Variants in RGS17 observed in about 807,000 individuals in gnomAD.
RGS17 encodes regulator of G protein signaling 17.
RGS17 carries 12 observed loss-of-function variants against 25.5 expected under a neutral mutation model. That is an observed-to-expected ratio of 0.47 (90% CI 0.30 to 0.76). RGS17 has a LOEUF of 0.76. Among genes scored for constraint, RGS17 ranks in the 30% least tolerant of loss-of-function variants. RGS17 has a pLI of 0.07. For missense variants in RGS17, 196 were observed against 242.2 expected, an observed-to-expected ratio of 0.81 and a Z score of 1.27; for synonymous variants, 71 against 76.9, an observed-to-expected ratio of 0.92 and a Z score of 0.40.
At chr6:153,013,505 C>A (rs1779154465) in intron 4 of RGS17, among the ~76,000 whole-genome samples, 1 of 152,130 alleles carries the variant, frequency 6.6e-6, no homozygotes, top group South Asian at 2.1e-4. Flanking sequence ...ATTCACACAT[C>A]TGTCACATTA....
intron 4 of RGS17, among the ~76,000 whole-genome samples, chr6:153,020,116 A>ATATATATATATATATATATATT: frequency 7.3e-5 from 4 of 54,488 alleles, no homozygotes; most frequent in African/African-American, 3.1e-4. Context: ...AAAAAAATAT[A>ATATATATATATATATATATATT]TATATATATA....
rs577714552 is a variant in RGS17 at position 153,050,636 on chromosome 6, G to A, written c.-25-6593C>T. 1.1e-4 allele frequency among the ~76,000 whole-genome samples: 16 copies of A among 152,276 alleles called. No homozygotes were observed. The South Asian group carries it at 2.9e-3, about 28-fold the overall frequency. ...CACACTAATGGTAGGAATATACATT[G>A]AGAAATCACTTTGAAGAACAATATT... On this transcript the variant is annotated intron_variant, in intron 1 of 4. Coordinates refer to ENST00000206262, the MANE Select transcript of RGS17 (RefSeq NM_012419.5).
intron 1 of RGS17, among the ~76,000 whole-genome samples, chr6:153,123,686 A>C (rs1354441914): frequency 3.9e-5 from 6 of 152,194 alleles, no homozygotes; most frequent in African/African-American, 1.4e-4. Flanking sequence ...GATTGTAATC[A>C]AAGATGGAAC....
At chr6:153,014,883 A>G (rs1332680192) in intron 4 of RGS17, among the ~76,000 whole-genome samples, 1 of 152,234 alleles carries the variant, frequency 6.6e-6, no homozygotes, top group Non-Finnish European at 1.5e-5. Context: ...GCAAATGAAA[A>G]ACCTTCTGGA....
At position 153,034,184 on chromosome 6, in the gene RGS17, G is replaced by A. The variant is rs151126972; in HGVS notation, c.120-7641C>T. 2.5e-3 allele frequency among the ~76,000 whole-genome samples: 374 copies of A among 152,224 alleles called. 1 individual carries two copies. Among genetic ancestry groups the A allele is most frequent in the African/African-American group, 8.6e-3 (356 of 41,524 alleles). ...CCAGTTAGTGTGTGTGTGTGAATAC[G>A]TATGGGATGAATGTGCGGGGCTTCC... On this transcript the variant is annotated intron_variant, in intron 2 of 4. Transcript: ENST00000206262.
At chr6:153,115,494 A>C (rs969196857) in intron 1 of RGS17, among the ~76,000 whole-genome samples, 1 of 152,224 alleles carries the variant, frequency 6.6e-6, no homozygotes, top group African/African-American at 2.4e-5. Context: ...AAACAGCCAT[A>C]CTGCCCAAAG....
intron 1 of RGS17, among the ~76,000 whole-genome samples, chr6:153,114,660 C>T (rs1196559212): frequency 6.6e-6 from 1 of 152,182 alleles, no homozygotes; most frequent in Non-Finnish European, 1.5e-5. Context: ...CCCTGATGAA[C>T]ATCGACGCGA....
At chr6:153,077,235 A>G (rs567805121) in intron 1 of RGS17, among the ~76,000 whole-genome samples, 1 of 152,212 alleles carries the variant, frequency 6.6e-6, no homozygotes, top group Non-Finnish European at 1.5e-5. Context: ...CATATCAAAC[A>G]TGGGAATTTC....
At chr6:153,080,669 T>C (rs879344948) in intron 1 of RGS17, among the ~76,000 whole-genome samples, 1 of 152,166 alleles carries the variant, frequency 6.6e-6, no homozygotes, top group Non-Finnish European at 1.5e-5. Flanking sequence ...TATTTTAGCT[T>C]ATTTTTTTGA....
intron 1 of RGS17, among the ~76,000 whole-genome samples, chr6:153,080,524 T>G (rs1776959229): frequency 6.6e-6 from 1 of 151,912 alleles, no homozygotes. Context: ...GTTTGCTGGA[T>G]TTTTATGACT....
intron 1 of RGS17, among the ~76,000 whole-genome samples, chr6:153,125,399 G>T (rs1433048047): frequency 6.6e-6 from 1 of 152,068 alleles, no homozygotes; most frequent in African/African-American, 2.4e-5. Context: ...TCATGAAAAA[G>T]CCTGCATATC....
intron 1 of RGS17, among the ~76,000 whole-genome samples, chr6:153,070,751 ATGTG>A (rs200952302): frequency 5.9e-5 from 9 of 151,386 alleles, no homozygotes; most frequent in Non-Finnish European, 7.4e-5. Context: ...ATAGACGTAT[ATGTG>A]TGTATGTATA....
intron 2 of RGS17, among the ~76,000 whole-genome samples, chr6:153,035,539 T>C (rs1008635247): frequency 6.6e-6 from 1 of 152,116 alleles, no homozygotes; most frequent in Non-Finnish European, 1.5e-5. Context: ...AAAAGTAGGG[T>C]TAATACTTAA....
chr6:153,071,011 G>A (rs748318267), intron 1 of RGS17, among the ~76,000 whole-genome samples: 10 of 149,784 alleles, frequency 6.7e-5, no homozygotes, highest in South Asian at 4.2e-4. Flanking sequence ...ATGTGTATAT[G>A]CACGTATGTG....
intron 4 of RGS17, 45 bp downstream of exon 4, chr6:153,024,217 T>C: frequency 7.5e-7 from 1 of 1,329,286 alleles, no homozygotes; most frequent in Non-Finnish European, 1.1e-6. Context: ...TTGACGGTTA[T>C]CCTTGGTCTT....
At chr6:153,049,525 G>A (rs1204281524) in intron 1 of RGS17, among the ~76,000 whole-genome samples, 1 of 152,112 alleles carries the variant, frequency 6.6e-6, no homozygotes, top group Non-Finnish European at 1.5e-5. Context: ...GCCGAGGCGG[G>A]TGGATCACGA....
At chr6:153,069,838 T>C (rs1445366165) in intron 1 of RGS17, among the ~76,000 whole-genome samples, 1 of 151,994 alleles carries the variant, frequency 6.6e-6, no homozygotes, top group Non-Finnish European at 1.5e-5. Flanking sequence ...ATGGTCTTCT[T>C]TCACTTCAGT....
rs754970943 is a variant in RGS17, at chr6:153,026,463, A to G, written c.200T>C (p.Leu67Pro). Reference protein sequence around the residue: ...HTTKMESIQVLEECQNPTAEE... With the variant: ...HTTKMESIQVPEECQNPTAEE... ...TGGTTCTCACACTCACCATTCCTCTAGGACCTGGATACTCTCCATTTTTGT... is the reference window on the plus strand; with the variant it reads ...TGGTTCTCACACTCACCATTCCTCTGGGACCTGGATACTCTCCATTTTTGT... Residue 67 changes from leucine (L) to proline (P), a missense_variant, in exon 3 of 5, where the codon CTA becomes CCA. Leu to Pro is a moderately conservative substitution (Grantham distance 98, BLOSUM62 -3). This residue lies in a region of RGS17 where 179 missense variants were observed against 197.6 expected (regional missense o/e 0.91). Coordinates refer to ENST00000206262, the MANE Select transcript of RGS17 (RefSeq NM_012419.5). 21 of 1,611,362 alleles carry G rather than the reference A, an allele frequency of 1.3e-5. No individual in the cohort carries two copies.
chr6:153,113,150 G>A (rs776568854), intron 1 of RGS17, among the ~76,000 whole-genome samples: 3 of 151,994 alleles, frequency 2.0e-5, no homozygotes, highest in African/African-American at 7.3e-5. Flanking sequence ...GAAGAATCAC[G>A]ACCCAACAGT....
Sources: allele counts gnomAD v4.1 joint callset (sites outside exome capture counted in the v4.1 genomes callset), GRCh38; gene constraint gnomAD v4.1.1; regional missense constraint gnomAD v4.1.1; transcripts MANE v1.5; gene names NCBI Gene and HGNC (gene_info 2026-07-23, HGNC 2026-07-21).